The following PLEK2 variants were observed in gnomAD, a reference collection of about 807,000 sequenced individuals.
The protein encoded by PLEK2 is pleckstrin-2.
In PLEK2, 29 loss-of-function variants were observed where a neutral mutation model predicts 43.8. That is an observed-to-expected ratio of 0.66 (90% CI 0.49 to 0.90). PLEK2 has a LOEUF of 0.90. Among genes scored for constraint, PLEK2 ranks in the 40% least tolerant of loss-of-function variants. The pLI, the probability that PLEK2 is intolerant of heterozygous loss-of-function variation, is 0.00. For synonymous variants in PLEK2, 162 were observed against 173.2 expected (o/e 0.94, Z 0.51); for missense variants, 398 against 448.1 (o/e 0.89, Z 1.01).
chr14:67,406,947 C>T (rs919323057), intron 1 of PLEK2, among the ~76,000 whole-genome samples: 14 of 152,022 alleles, frequency 9.2e-5, no homozygotes, highest in African/African-American at 3.4e-4. Context: ...GTCTGTAATC[C>T]GCTGGCTGGA....
At chr14:67,403,345 C>G (rs1436900251) in intron 1 of PLEK2, among the ~76,000 whole-genome samples, 1 of 152,130 alleles carries the variant, frequency 6.6e-6, no homozygotes, top group Non-Finnish European at 1.5e-5. Context: ...TGTTCTGATA[C>G]CCAGACTCAG....
intron 5 of PLEK2, 85 bp downstream of exon 5, chr14:67,392,577 A>G: frequency 7.5e-7 from 1 of 1,340,304 alleles, no homozygotes; most frequent in Non-Finnish European, 1.1e-6. Flanking sequence ...GTCTCCTCCC[A>G]TGACTGTGGC....
At chr14:67,396,845 C>T (rs1236637787) in intron 2 of PLEK2, among the ~76,000 whole-genome samples, 1 of 152,230 alleles carries the variant, frequency 6.6e-6, no homozygotes, top group Non-Finnish European at 1.5e-5. Flanking sequence ...ATCAGCAACT[C>T]TATGAAGAAA....
At position 67,397,799 on chromosome 14, in the gene PLEK2, G is replaced by A. The variant is rs764876253; in HGVS notation, c.70C>T (p.Arg24Ter). 7.4e-6 allele frequency: 12 copies of A among 1,612,116 alleles called. No homozygotes were observed. Among genetic ancestry groups the A allele is most frequent in the South Asian group, 4.4e-5 (4 of 90,398 alleles). ...GTGTTCTGCCGAAGGATGAACCATC[G>A]CGCCTTCCAGTTGTGGACAATGTGG... is the stretch of plus-strand genomic sequence containing the variant. ...RGHIVHNWKA[R>*]WFILRQNTLV... Residue 24 changes from arginine to a stop codon, truncating the protein, a stop_gained, in exon 2 of 9, where the codon CGA (arginine) becomes TGA (stop). Transcript: ENST00000216446. LOFTEE classifies it high-confidence loss of function.
In PLEK2 at chr14:67,392,745, C is replaced by T; in HGVS notation, c.586G>A (p.Val196Met). Residue 196 changes from valine (V) to methionine (M), a missense_variant, in exon 5 of 9, where the codon GTG becomes ATG. Transcript: ENST00000216446. ...MLMEENFLRP[V>M]GVRSMGAIRS... is the part of the protein sequence containing the mutation. ...ATGGCTCCCATGCTTCGGACACCCA[C>T]AGGCCTGAGGAAGTTCTCCTCCATG... The T allele has an allele frequency of 1.2e-6, 2 of 1,614,192 alleles. No individual in the cohort carries two copies. Among genetic ancestry groups the T allele is most frequent in the Non-Finnish European group, 1.7e-6 (2 of 1,179,994 alleles).
At position 67,390,718 on chromosome 14, in the gene PLEK2, C is replaced by T. The variant is rs750681709; in HGVS notation, c.800G>A (p.Arg267His). The T allele has an allele frequency of 4.5e-5, 72 of 1,613,522 alleles. 1 individual carries two copies. Among genetic ancestry groups the T allele is most frequent in the African/African-American group, 5.3e-5 (4 of 74,892 alleles). Residue 267 changes from arginine to histidine, a missense_variant, in exon 7 of 9, where the codon CGT becomes CAT. By Grantham distance (29) the Arg-to-His change is conservative. Coordinates refer to ENST00000216446, the MANE Select transcript of PLEK2 (RefSeq NM_016445.3). Reference sequence around the variant, plus strand: ...TGGATCCTTCCTTAGAACAAAGCGACGCACCTTCCAGTTTTTCCTCTTGTG... The same window carrying T: ...TGGATCCTTCCTTAGAACAAAGCGATGCACCTTCCAGTTTTTCCTCTTGTG... Reference protein sequence around the residue: ...QGHKRKNWKVRRFVLRKDPAF... With the variant: ...QGHKRKNWKVHRFVLRKDPAF...
intron 1 of PLEK2, 82 bp downstream of exon 1, chr14:67,411,936 G>A (rs1566634288): frequency 1.6e-6 from 2 of 1,289,342 alleles, no homozygotes; most frequent in East Asian, 5.9e-5. Flanking sequence ...CCCGTTCCGG[G>A]GCGCGCGTCT....
chr14:67,408,601 G>T (rs2086097300), intron 1 of PLEK2, among the ~76,000 whole-genome samples: 1 of 152,078 alleles, frequency 6.6e-6, no homozygotes, highest in Admixed American at 6.6e-5. Context: ...GGAGAGGATG[G>T]TCACGTGACA....
At chr14:67,394,471 C>CA (rs1323570315) in intron 3 of PLEK2, among the ~76,000 whole-genome samples, 1 of 152,116 alleles carries the variant, frequency 6.6e-6, no homozygotes, top group Non-Finnish European at 1.5e-5. Flanking sequence ...GCATTAAGTC[C>CA]AAACCCCCTC....
At chr14:67,409,070 A>T (rs918805735) in intron 1 of PLEK2, among the ~76,000 whole-genome samples, 12 of 149,576 alleles carry the variant, frequency 8.0e-5, no homozygotes, top group Admixed American at 2.7e-4. Flanking sequence ...AAAAAGAAAT[A>T]AAAAAAAAGC....
At chr14:67,393,646 G>T (rs914432286) in intron 3 of PLEK2, among the ~76,000 whole-genome samples, 1 of 152,030 alleles carries the variant, frequency 6.6e-6, no homozygotes, top group Non-Finnish European at 1.5e-5. Context: ...TAGAGATGGG[G>T]TTTCACCATG....
chr14:67,404,315 C>T (rs965872313), intron 1 of PLEK2, among the ~76,000 whole-genome samples: 1 of 152,022 alleles, frequency 6.6e-6, no homozygotes, highest in Non-Finnish European at 1.5e-5. Flanking sequence ...CACTTTTACT[C>T]ATATTACTTC....
At chr14:67,408,104 C>T (rs539789329) in intron 1 of PLEK2, among the ~76,000 whole-genome samples, 15 of 151,886 alleles carry the variant, frequency 9.9e-5, no homozygotes, top group African/African-American at 2.9e-4. Flanking sequence ...CTGACCAACA[C>T]GGAGAAACCA....
intron 2 of PLEK2, among the ~76,000 whole-genome samples, chr14:67,396,324 T>G (rs1004320615): frequency 2.6e-5 from 4 of 151,432 alleles, no homozygotes; most frequent in Non-Finnish European, 4.4e-5. Flanking sequence ...ATTTTTGTAT[T>G]TTTAGTAGAG....
rs753262191 is a variant in PLEK2, at chr14:67,393,207, C to T, written c.424G>A (p.Gly142Arg). 20 of 1,613,876 alleles carry T rather than the reference C, an allele frequency of 1.2e-5. No individual in the cohort carries two copies. The highest frequency in any genetic ancestry group is 3.3e-5 in the Admixed American group (2 of 60,008). Residue 142 changes from glycine to arginine, a missense_variant, in exon 4 of 9, where the codon GGA (glycine) becomes AGA (arginine). Transcript: ENST00000216446. Reference protein sequence around the residue: ...IVDKMHDSNTGIRSSPNMEQG... With the variant: ...IVDKMHDSNTRIRSSPNMEQG... ...TCCATGTTGGGGCTTGAACGGATTC[C>T]GGTGTTGCTATCGTGCATCTTGTCC... is the stretch of plus-strand genomic sequence containing the variant.
intron 2 of PLEK2, 21 bp from the exon 3 acceptor site, chr14:67,395,604 T>A: frequency 6.2e-7 from 1 of 1,612,344 alleles, no homozygotes; most frequent in Non-Finnish European, 8.5e-7. Context: ...AGAGAGCCAG[T>A]CAGGCCAGCA....
At position 67,408,359 on chromosome 14, in the gene PLEK2, A is replaced by AAAATAAAAT. The variant is rs1566632508; in HGVS notation, c.42+3658_42+3659insATTTTATTT. ...TAAAATAAAATAAAATAAAATAAAA[A>AAAATAAAAT]AAGAAAAAACAAAGATGGGATGATA... On this transcript the variant is annotated intron_variant, in intron 1 of 8. Transcript: ENST00000216446. Among the ~76,000 whole-genome samples the AAAATAAAAT allele has an allele frequency of 7.5e-4, 100 of 134,052 alleles. 2 individuals are homozygous for AAAATAAAAT. Among genetic ancestry groups the AAAATAAAAT allele is most frequent in the African/African-American group, 2.8e-3 (93 of 33,690 alleles). The allele number at this position is 134,052 out of a possible 152,430, so 87.9% of individuals were successfully genotyped here.
chr14:67,407,961 G>T (rs1452643014), intron 1 of PLEK2, among the ~76,000 whole-genome samples: 2 of 152,112 alleles, frequency 1.3e-5, no homozygotes, highest in Non-Finnish European at 2.9e-5. Flanking sequence ...TCCAGCCTGG[G>T]TAACATACTG....
chr14:67,387,556 A>G (rs775287760), intron 8 of PLEK2, 100 bp from the exon 9 acceptor site: 9 of 1,170,808 alleles, frequency 7.7e-6, no homozygotes, highest in Non-Finnish European at 1.1e-5. Flanking sequence ...ACAAAAACAT[A>G]CAATGATGTA....
Sources: allele counts gnomAD v4.1 joint callset (sites outside exome capture counted in the v4.1 genomes callset), GRCh38; gene constraint gnomAD v4.1.1; transcripts MANE v1.5; gene names NCBI Gene and HGNC (gene_info 2026-07-23, HGNC 2026-07-21).